Variants in FBXO43 observed in about 807,000 individuals in gnomAD.
FBXO43 encodes the protein F-box only protein 43.
In FBXO43, 22 loss-of-function variants were observed where a neutral mutation model predicts 56.7. That is an observed-to-expected ratio of 0.39 (90% confidence interval 0.28 to 0.55). The LOEUF is 0.55. Ranked by LOEUF, FBXO43 falls within the 20% of genes least tolerant of loss-of-function variation. The probability of loss-of-function intolerance (pLI) is 0.66; values close to 1 mark genes in which losing one functional copy is unlikely to be tolerated. For synonymous variants in FBXO43, 306 were observed against 294.5 expected (o/e 1.04, Z -0.40); for missense variants, 733 against 814.9 (o/e 0.90, Z 1.22).
intron 2 of FBXO43, among the ~76,000 whole-genome samples, chr8:100,139,316 C>G (rs981820303): frequency 5.9e-5 from 9 of 151,530 alleles, no homozygotes; most frequent in Admixed American, 3.3e-4. Context: ...AAGAACAGAA[C>G]AGGCAGTGGC....
intron 2 of FBXO43, among the ~76,000 whole-genome samples, chr8:100,139,151 T>TG (rs375251182): frequency 6.6e-6 from 1 of 152,316 alleles, no homozygotes; most frequent in African/African-American, 2.4e-5. Context: ...GTCACTTCTC[T>TG]GGGGCTCATT....
In FBXO43 at chr8:100,141,892, G is replaced by A; in HGVS notation, c.362C>T (p.Ser121Phe). Residue 121 changes from serine to phenylalanine, a missense_variant, in exon 2 of 5, where the codon TCT becomes TTT. Coordinates refer to ENST00000428847, the MANE Select transcript of FBXO43 (RefSeq NM_001029860.4). Reference protein sequence around the residue: ...SGLGLTHPLESPTQKKKCILP... With the variant: ...SGLGLTHPLEFPTQKKKCILP... ...GATACATTTCTTTTTTTGAGTGGGA[G>A]ATTCTAAAGGATGTGTTAAGCCCAG... 1 of 1,588,190 alleles carries A rather than the reference G, an allele frequency of 6.3e-7. No homozygotes were observed. The highest frequency in any genetic ancestry group is 2.2e-5 in the East Asian group (1 of 44,678).
At chr8:100,148,259 T>C (rs914499136), upstream of FBXO43, among the ~76,000 whole-genome samples, 2 of 152,198 alleles carry the variant, frequency 1.3e-5, no homozygotes, top group Non-Finnish European at 2.9e-5. Flanking sequence ...ATATCTCCTT[T>C]ATATTGTTCA....
At chr8:100,147,564 G>T (rs1814856455), upstream of FBXO43, among the ~76,000 whole-genome samples, 1 of 152,184 alleles carries the variant, frequency 6.6e-6, no homozygotes, top group Admixed American at 6.5e-5. Flanking sequence ...GGGAAGTTCT[G>T]GTTGCACCTT....
Position 100,141,151 on chromosome 8 carries a change from A to G in FBXO43, c.1103T>C (p.Val368Ala), listed in dbSNP as rs185926858. ...TCTTGTCTTTCTTATGGTGTCCCCA[A>G]CTTTGGGAGTCCCCTTATGTTTCTG... ...LLQKHKGTPK[V>A]GDTIRKTRHL... Residue 368 changes from valine (V) to alanine (A), a missense_variant, in exon 2 of 5, where the codon GTT becomes GCT. Transcript: ENST00000428847. 2.6e-5 allele frequency: 42 copies of G among 1,614,172 alleles called. 1 individual carries two copies. The Admixed American group carries it at 3.0e-4, about 12-fold the overall frequency.
intron 2 of FBXO43, 45 bp downstream of exon 2, chr8:100,140,638 C>T (rs757602569): frequency 6.7e-7 from 1 of 1,489,196 alleles, no homozygotes; most frequent in Non-Finnish European, 9.0e-7. Flanking sequence ...AACTTTTCAA[C>T]TTAAAAAAAG....
At chr8:100,134,631 A>AT (rs1277351135) in intron 3 of FBXO43, among the ~76,000 whole-genome samples, 1 of 151,880 alleles carries the variant, frequency 6.6e-6, no homozygotes, top group Non-Finnish European at 1.5e-5. Flanking sequence ...TTTTCCATTT[A>AT]TTTTAAACTT....
chr8:100,142,226 C>T (rs1457756812), intron 1 of FBXO43, 58 bp from the exon 2 acceptor site: 3 of 1,402,340 alleles, frequency 2.1e-6, no homozygotes, highest in Non-Finnish European at 2.8e-6. Flanking sequence ...GCAGCTTATA[C>T]CAAAATACAT....
chr8:100,141,493 T>C lies in FBXO43; in HGVS notation c.761A>G (p.Gln254Arg). The C allele has an allele frequency of 6.2e-7, 1 of 1,612,916 alleles. No homozygotes were observed. The highest frequency in any genetic ancestry group is 8.5e-7 in the Non-Finnish European group (1 of 1,179,986). The change falls in exon 2 of 5, where the codon CAG becomes CGG. Residue 254 changes from glutamine (Q) to arginine (R), a missense_variant. By Grantham distance (43) the Gln-to-Arg change is conservative (BLOSUM62 1). Transcript: ENST00000428847. The part of the protein sequence containing the change: ...LFEVECISPI[Q>R]GNNFKDSITH... Reference sequence around the variant, plus strand: ...GATAGAGTCTTTAAAATTATTGCCCTGAATTGGAGATATACATTCAACTTC... The same window carrying C: ...GATAGAGTCTTTAAAATTATTGCCCCGAATTGGAGATATACATTCAACTTC...
chr8:100,145,206 G>A lies in FBXO43; in HGVS notation c.-71C>T. The A allele has an allele frequency of 7.4e-7, 1 of 1,355,858 alleles. No homozygotes were observed. Among genetic ancestry groups the A allele is most frequent in the East Asian group, 2.4e-5 (1 of 41,198 alleles). The allele number at this position is 1,355,858 out of a possible 1,614,324, so 84.0% of individuals were successfully genotyped here. On this transcript the variant is annotated 5_prime_UTR_variant, in exon 1 of 5. Coordinates refer to ENST00000428847, the MANE Select transcript of FBXO43 (RefSeq NM_001029860.4). Reference sequence around the variant, plus strand: ...TAATTGAAAGGTGCAGCAGCATCATGATTGCTCAAAGTCGAAGGGTACACA... The same window carrying A: ...TAATTGAAAGGTGCAGCAGCATCATAATTGCTCAAAGTCGAAGGGTACACA...
upstream of FBXO43, among the ~76,000 whole-genome samples, chr8:100,150,085 C>A (rs1448454334): frequency 3.3e-5 from 5 of 152,172 alleles, no homozygotes; most frequent in African/African-American, 1.2e-4. Flanking sequence ...TAGCTACCGT[C>A]ACACTAACCT....
In FBXO43 at chr8:100,141,657, C is replaced by T. The variant is rs1263210933; in HGVS notation, c.597G>A (p.Arg199=). 6.8e-6 allele frequency: 11 copies of T among 1,612,834 alleles called. No individual in the cohort carries two copies. Among genetic ancestry groups the T allele is most frequent in the Admixed American group, 1.7e-5 (1 of 59,998 alleles). Residue 199 remains arginine (R), a synonymous_variant, in exon 2 of 5, where the codon AGG becomes AGA. Coordinates refer to ENST00000428847, the MANE Select transcript of FBXO43 (RefSeq NM_001029860.4). ...NIPSSASGFS[R]ANNFSPLVTS... ...TAACTAAAGGGCTAAAATTATTTGC[C>T]CTGGAAAAACCTGAAGCACTGCTTG...
chr8:100,146,394 T>A (rs1814832032), upstream of FBXO43, among the ~76,000 whole-genome samples: 1 of 152,122 alleles, frequency 6.6e-6, no homozygotes, highest in African/African-American at 2.4e-5. Context: ...CCAAGGAATT[T>A]GAGACCAGCC....
At chr8:100,149,347 G>C (rs922914296), upstream of FBXO43, among the ~76,000 whole-genome samples, 1 of 152,222 alleles carries the variant, frequency 6.6e-6, no homozygotes, top group Non-Finnish European at 1.5e-5. Context: ...ATATACAAGA[G>C]AGCTTGTAAA....
In FBXO43 at chr8:100,142,147, G is replaced by C. The variant is rs751533209; in HGVS notation, c.107C>G (p.Ser36Trp). The change falls in exon 2 of 5, where the codon TCG becomes TGG. Residue 36 changes from serine to tryptophan, a missense_variant. Coordinates refer to ENST00000428847, the MANE Select transcript of FBXO43 (RefSeq NM_001029860.4). ...GCCAGCTTGACCTGAGTGCCTTTGC[G>C]ACATCTTCAAAATCTCTGTTTCTGC... is the stretch of plus-strand genomic sequence containing the variant. ...FTDETEILKM[S>W]QRHSGQAGTE... The C allele has an allele frequency of 1.9e-6, 3 of 1,564,778 alleles. No homozygotes were observed. The highest frequency in any genetic ancestry group is 2.6e-6 in the Non-Finnish European group (3 of 1,159,122).
At position 100,141,097 on chromosome 8, in the gene FBXO43, G is replaced by C. The variant is rs1341451710; in HGVS notation, c.1157C>G (p.Thr386Ser). The change falls in exon 2 of 5, where the codon ACC (threonine) becomes AGC (serine). Residue 386 changes from threonine (T) to serine (S), a missense_variant. Thr to Ser is a moderately conservative substitution (Grantham distance 58). Transcript: ENST00000428847. The stretch of plus-strand genomic sequence containing the variant: ...TGACTGCGAGCTTTGTTCCCGAAGG[G>C]TGGACAGTCTTCTCGACCTTCCAAG... Reference protein sequence around the residue: ...RHLGRSRRLSTLREQSSQSET... With the variant: ...RHLGRSRRLSSLREQSSQSET... 2 of 1,614,080 alleles carry C rather than the reference G, an allele frequency of 1.2e-6. No individual in the cohort carries two copies. The highest frequency in any genetic ancestry group is 2.7e-5 in the African/African-American group (2 of 74,928).
At chr8:100,146,356 C>T (rs1294352220), upstream of FBXO43, among the ~76,000 whole-genome samples, 1 of 152,094 alleles carries the variant, frequency 6.6e-6, no homozygotes, top group Non-Finnish European at 1.5e-5. Flanking sequence ...TCTGTAATCC[C>T]AGCACAGAGG....
rs755975849 is a variant in FBXO43, at chr8:100,145,171, T to A, written c.-36A>T. The A allele has an allele frequency of 2.5e-6, 4 of 1,573,870 alleles. No homozygotes were observed. Among genetic ancestry groups the A allele is most frequent in the Non-Finnish European group, 3.5e-6 (4 of 1,155,726 alleles). On this transcript the variant is annotated 5_prime_UTR_variant, in exon 1 of 5. Transcript: ENST00000428847. ...TGCCACTTAAAGAGGAAAACTTTAG[T>A]TTGCACAATTAATTGAAAGGTGCAG...
In FBXO43 at chr8:100,134,189, A is replaced by G; in HGVS notation, c.1850T>C (p.Leu617Ser). The G allele has an allele frequency of 1.2e-6, 2 of 1,614,130 alleles. No homozygotes were observed. Among genetic ancestry groups the G allele is most frequent in the Non-Finnish European group, 8.5e-7 (1 of 1,179,998 alleles). The change falls in exon 4 of 5, where the codon TTA becomes TCA. Residue 617 changes from leucine to serine, a missense_variant. By Grantham distance (145) the Leu-to-Ser change is moderately radical (BLOSUM62 -2). Coordinates refer to ENST00000428847, the MANE Select transcript of FBXO43 (RefSeq NM_001029860.4). ...TPLASSSVTHLSSKQEEYVKV... is the reference protein window; with the variant it reads ...TPLASSSVTHSSSKQEEYVKV... Reference sequence around the variant, plus strand: ...AACATATTCTTCCTGTTTACTACTTAAGTGAGTAACAGAAGAGCTTGCTAG... The same window carrying G: ...AACATATTCTTCCTGTTTACTACTTGAGTGAGTAACAGAAGAGCTTGCTAG...
Sources: gnomAD v4.1 joint callset for allele counts (sites outside exome capture counted in the v4.1 genomes callset) on GRCh38, gnomAD v4.1.1 for gene constraint, MANE v1.5 for transcripts, NCBI Gene and HGNC (gene_info 2026-07-23, HGNC 2026-07-21) for gene names.